Variants in RTL9 observed in about 807,000 individuals in gnomAD.
RTL9 encodes the protein retrotransposon Gag like 9.
A neutral mutation model predicts 44.7 loss-of-function variants in RTL9; 19 were observed. That is an observed-to-expected ratio of 0.42 (90% CI 0.30 to 0.62). The LOEUF (loss-of-function observed/expected upper bound fraction) is 0.62. RTL9 is among the 20% of genes least tolerant of loss of function. RTL9 has a pLI of 0.16. For synonymous variants in RTL9, 407 were observed against 398.9 expected, an observed-to-expected ratio of 1.02 and a Z score of -0.24; for missense variants, 1,105 against 1,080.6, an observed-to-expected ratio of 1.02 and a Z score of -0.32.
chrX:110,406,937 C>T (rs1404337975), intron 1 of RTL9, among the ~76,000 whole-genome samples: 1 of 111,981 alleles, frequency 8.9e-6, no homozygotes, highest in Non-Finnish European at 1.9e-5. Flanking sequence ...TTGTCTTAAT[C>T]TAGTTGCTTG....
At chrX:110,407,488 A>G (rs925847526) in intron 1 of RTL9, among the ~76,000 whole-genome samples, 5 of 112,683 alleles carry the variant, frequency 4.4e-5, no homozygotes, top group African/African-American at 1.6e-4. Context: ...ACCATTTACT[A>G]GCAGATTACT....
At chrX:110,395,010 C>A (rs1051125018) in intron 1 of RTL9, among the ~76,000 whole-genome samples, 1 of 112,600 alleles carries the variant, frequency 8.9e-6, no homozygotes, top group African/African-American at 3.2e-5. Context: ...TGTTACAGGG[C>A]CAAAGAACCT....
intron 1 of RTL9, among the ~76,000 whole-genome samples, chrX:110,365,230 CT>C (rs2068289607): frequency 8.9e-6 from 1 of 111,753 alleles, no homozygotes; most frequent in Non-Finnish European, 1.9e-5. Context: ...AGCAGACTTA[CT>C]GAGTTAGTAT....
chrX:110,436,007 G>A (rs1049340933), intron 1 of RTL9, among the ~76,000 whole-genome samples: 4 of 112,537 alleles, frequency 3.6e-5, no homozygotes, highest in African/African-American at 1.3e-4. Context: ...GGCAAAGCCT[G>A]CCGGTGTGGC....
At chrX:110,364,038 A>C (rs958558233) in intron 1 of RTL9, among the ~76,000 whole-genome samples, 7 of 111,468 alleles carry the variant, frequency 6.3e-5, no homozygotes, top group Admixed American at 3.8e-4. Context: ...TTATACTTTC[A>C]CAGTTCTGGA....
chrX:110,393,366 A>G (rs2068507752), intron 1 of RTL9, among the ~76,000 whole-genome samples: 1 of 112,177 alleles, frequency 8.9e-6, no homozygotes, highest in Non-Finnish European at 1.9e-5. Flanking sequence ...AGCAATTACT[A>G]TGTACCAGGT....
At chrX:110,438,658 A>C (rs900800604) in intron 1 of RTL9, among the ~76,000 whole-genome samples, 2 of 111,421 alleles carry the variant, frequency 1.8e-5, no homozygotes, top group Admixed American at 1.9e-4. Context: ...TCTCCACCAG[A>C]CATAAGGTGG....
At chrX:110,400,694 T>C (rs1232083963) in intron 1 of RTL9, among the ~76,000 whole-genome samples, 2 of 112,159 alleles carry the variant, frequency 1.8e-5, no homozygotes, top group Admixed American at 1.9e-4. Flanking sequence ...GCTTTCTCAG[T>C]GCCCTTAGGT....
At chrX:110,367,223 A>C (rs181263473) in intron 1 of RTL9, among the ~76,000 whole-genome samples, 34 of 112,043 alleles carry the variant, frequency 3.0e-4, no homozygotes, top group South Asian at 1.1e-3. Flanking sequence ...ATGTTTAAAA[A>C]ATCTGTTCTC....
intron 1 of RTL9, among the ~76,000 whole-genome samples, chrX:110,400,290 G>C (rs1009795175): frequency 4.4e-4 from 47 of 106,792 alleles, no homozygotes; most frequent in African/African-American, 1.5e-3. Flanking sequence ...CTCAGTGATA[G>C]CCAATCCATT....
At chrX:110,396,112 C>G (rs2068526711) in intron 1 of RTL9, among the ~76,000 whole-genome samples, 1 of 111,518 alleles carries the variant, frequency 9.0e-6, no homozygotes, top group African/African-American at 3.3e-5. Context: ...GTCCACCCAC[C>G]ACCACTGAGT....
chrX:110,437,198 G>C (rs1380105792), intron 1 of RTL9, among the ~76,000 whole-genome samples: 5 of 111,933 alleles, frequency 4.5e-5, no homozygotes, highest in Non-Finnish European at 7.5e-5. Context: ...TTAACTGGAG[G>C]AGATGGTGAG....
At chrX:110,453,762 G>A in exon 1 of RTL9, 2 of 1,211,232 alleles carry the variant, frequency 1.7e-6, no homozygotes, top group Non-Finnish European at 2.2e-6. Flanking sequence ...AAGAGCCACA[G>A]CCTCTGGATG....
chrX:110,409,451 G>A (rs2068626207), intron 1 of RTL9, among the ~76,000 whole-genome samples: 2 of 111,668 alleles, frequency 1.8e-5, no homozygotes, highest in Non-Finnish European at 3.8e-5. Flanking sequence ...TACCTAAAAA[G>A]AGGGCTGTTT....
intron 1 of RTL9, among the ~76,000 whole-genome samples, chrX:110,444,926 C>T (rs1370556105): frequency 8.9e-6 from 1 of 112,496 alleles, no homozygotes; most frequent in Non-Finnish European, 1.9e-5. Flanking sequence ...CCTCTGGTAT[C>T]CCTCCTGTTC....
intron 1 of RTL9, among the ~76,000 whole-genome samples, chrX:110,421,796 G>A (rs1194098500): frequency 8.9e-6 from 1 of 112,600 alleles, no homozygotes; most frequent in Non-Finnish European, 1.9e-5. Context: ...TCTGGTCCCG[G>A]TCCTTGCCAA....
intron 1 of RTL9, among the ~76,000 whole-genome samples, chrX:110,430,853 T>G (rs1303377680): frequency 8.9e-6 from 1 of 112,466 alleles, no homozygotes. Flanking sequence ...ATCTTGTATG[T>G]CAAACTGAAA....
chrX:110,416,976 G>T (rs994157639), upstream of RTL9, among the ~76,000 whole-genome samples: 6 of 112,334 alleles, frequency 5.3e-5, no homozygotes, highest in African/African-American at 1.9e-4. Flanking sequence ...GGTTTTTGGG[G>T]GAGAGCTGGG....
chrX:110,372,507 T>G (rs1332121136), intron 1 of RTL9, among the ~76,000 whole-genome samples: 1 of 111,712 alleles, frequency 9.0e-6, no homozygotes, highest in Admixed American at 9.6e-5. Context: ...TGCTTTTTTT[T>G]TAACTTAACA....
Sources: allele counts gnomAD v4.1 joint callset (sites outside exome capture counted in the v4.1 genomes callset), GRCh38; gene constraint gnomAD v4.1.1; transcripts MANE v1.5; gene names NCBI Gene and HGNC (gene_info 2026-07-23, HGNC 2026-07-21).